Variants in CAMK2G observed in about 807,000 individuals in gnomAD.
The protein encoded by CAMK2G is calcium/calmodulin-dependent protein kinase type II subunit gamma.
CAMK2G carries 23 observed loss-of-function variants against 88.7 expected under a neutral mutation model. That is an observed-to-expected ratio of 0.26 (90% CI 0.19 to 0.37). The LOEUF is 0.37. CAMK2G is among the 10% of genes least tolerant of loss of function. The probability of loss-of-function intolerance (pLI) is 1.00; values close to 1 mark genes in which losing one functional copy is unlikely to be tolerated. For synonymous variants in CAMK2G, 263 were observed against 294.8 expected (o/e 0.89, Z 1.11); for missense variants, 476 against 780.8 (o/e 0.61, Z 4.65).
chr10:73,829,721 G>T lies in CAMK2G; in HGVS notation c.1054-1600C>A, dbSNP rs571245810. Among the ~76,000 whole-genome samples, 50 of 151,698 alleles carry T rather than the reference G, an allele frequency of 3.3e-4. No homozygotes were observed. The South Asian group carries it at 0.01, about 31-fold the overall frequency. On this transcript the variant is annotated intron_variant, in intron 14 of 22. Coordinates refer to ENST00000423381, the MANE Select transcript of CAMK2G (RefSeq NM_001367534.1). The stretch of plus-strand genomic sequence containing the variant: ...GTGGGGTGTGTGTGTGTGTGTGTGT[G>T]TGTGTGTGTGTGTATATCTCCTTAT...
At chr10:73,873,391 T>C (rs2095912584) in intron 1 of CAMK2G, 2 of 1,252,452 alleles carry the variant, frequency 1.6e-6, no homozygotes, top group South Asian at 3.7e-5. Context: ...AACACACACC[T>C]GCTGCATCTC....
intron 1 of CAMK2G, among the ~76,000 whole-genome samples, chr10:73,873,802 G>C (rs1478442315): frequency 7.7e-6 from 1 of 130,058 alleles, no homozygotes; most frequent in Non-Finnish European, 1.7e-5. Context: ...GGCTGCTGCA[G>C]CGGCCAGCTC....
chr10:73,839,583 G>C lies in CAMK2G; in HGVS notation c.965C>G (p.Ala322Gly). Residue 322 changes from alanine to glycine, a missense_variant, in exon 13 of 23, where the codon GCC becomes GGC. By Grantham distance (60) the Ala-to-Gly change is moderately conservative. This residue lies in a region of CAMK2G where 278 missense variants were observed against 366.5 expected (regional missense o/e 0.76). Transcript: ENST00000423381. The surrounding 1 kb of genome is among the most constrained non-coding windows in gnomAD (Gnocchi z 4.2). ...RNFSVGRQSS[A>G]PASPAASAAG... ...GGCGCTCGCGGCAGGCGAGGCGGGG[G>C]CGGAGCTCTGCCTGCCAACTGAGGG... 2 of 1,233,760 alleles carry C rather than the reference G, an allele frequency of 1.6e-6. No homozygotes were observed. Among genetic ancestry groups the C allele is most frequent in the Admixed American group, 8.4e-5 (2 of 23,708 alleles). 76.4% of individuals were successfully genotyped at this position (1,233,760 alleles called of 1,614,324 possible).
intron 2 of CAMK2G, among the ~76,000 whole-genome samples, chr10:73,865,884 C>T (rs573234868): frequency 3.3e-5 from 5 of 152,048 alleles, no homozygotes; most frequent in Non-Finnish European, 2.9e-5. Flanking sequence ...CCAGCCCCCC[C>T]CTTCCTGTTT....
chr10:73,871,867 C>A (rs758622385), intron 2 of CAMK2G, among the ~76,000 whole-genome samples: 21 of 152,168 alleles, frequency 1.4e-4, no homozygotes, highest in African/African-American at 2.2e-4. Context: ...ACTGCCAACA[C>A]GACAGAAGCC....
chr10:73,874,367 AGGCAGGGGACCGCGGCGGGCG>A lies in CAMK2G; in HGVS notation c.65+9_65+29del. ...CCGCATAGCTCCCGGGCGGCAGGGC[AGGCAGGGGACCGCGGCGGGCG>A]GGCCGTACTTGCCAAGCTCCTCGAA... is the stretch of plus-strand genomic sequence containing the variant. On this transcript the variant is annotated intron_variant, in intron 1 of 22. Coordinates refer to ENST00000423381, the MANE Select transcript of CAMK2G (RefSeq NM_001367534.1). 1 of 1,440,562 alleles carries A rather than the reference AGGCAGGGGACCGCGGCGGGCG, an allele frequency of 6.9e-7. No homozygotes were observed. The highest frequency in any genetic ancestry group is 9.3e-7 in the Non-Finnish European group (1 of 1,077,562). 89.2% of individuals were successfully genotyped at this position (1,440,562 alleles called of 1,614,324 possible). A position where few individuals can be genotyped will look rare whatever the true frequency, so the allele number is the denominator to read the frequency against.
At chr10:73,831,534 TAAAAAAAAA>T (rs985986206) in intron 14 of CAMK2G, among the ~76,000 whole-genome samples, 1 of 54,614 alleles carries the variant, frequency 1.8e-5, no homozygotes, top group Non-Finnish European at 3.5e-5. Flanking sequence ...AGACTCCGTC[TAAAAAAAAA>T]AAAAAAAAAA....
chr10:73,866,398 G>C (rs970467924), intron 2 of CAMK2G, among the ~76,000 whole-genome samples: 1 of 152,106 alleles, frequency 6.6e-6, no homozygotes, highest in East Asian at 1.9e-4. Flanking sequence ...GGGGGCCAGG[G>C]AGGGCTGGCC....
chr10:73,852,244 C>T lies in CAMK2G; in HGVS notation c.341+10G>A, dbSNP rs1349200556. 1 of 1,611,490 alleles carries T rather than the reference C, an allele frequency of 6.2e-7. No individual in the cohort carries two copies. Among genetic ancestry groups the T allele is most frequent in the East Asian group, 2.2e-5 (1 of 44,882 alleles). ...AGAGCTACATTTGAACTCTCGGGCC[C>T]TCATCCTACCTGGCATCTGCTTCAC... On this transcript the variant is annotated intron_variant, in intron 5 of 22. Transcript: ENST00000423381.
At chr10:73,815,536 T>C (rs1470584282) in intron 21 of CAMK2G, among the ~76,000 whole-genome samples, 1 of 152,196 alleles carries the variant, frequency 6.6e-6, no homozygotes, top group Non-Finnish European at 1.5e-5. Flanking sequence ...CTGTATTTCT[T>C]GGTGGATAAT....
intron 2 of CAMK2G, among the ~76,000 whole-genome samples, chr10:73,871,389 T>A (rs2095824412): frequency 6.6e-6 from 1 of 151,948 alleles, no homozygotes; most frequent in African/African-American, 2.4e-5. Context: ...ATCCCAGAAT[T>A]CGGCTCCCAG....
intron 14 of CAMK2G, among the ~76,000 whole-genome samples, chr10:73,833,964 G>A (rs1017195388): frequency 7.9e-6 from 1 of 126,818 alleles, no homozygotes; most frequent in Non-Finnish European, 1.6e-5. Context: ...TGTCACCCAG[G>A]ATGGAGTGCA....
chr10:73,820,321 T>C (rs2087491736), intron 18 of CAMK2G, among the ~76,000 whole-genome samples: 1 of 151,722 alleles, frequency 6.6e-6, no homozygotes, highest in South Asian at 2.1e-4. Context: ...CTTAGGCTAG[T>C]GGTCCTTACG....
At chr10:73,872,951 G>A in intron 2 of CAMK2G, 38 bp downstream of exon 2, 1 of 1,330,682 alleles carries the variant, frequency 7.5e-7, no homozygotes, top group Non-Finnish European at 1.1e-6. Context: ...GGCCCCTGGA[G>A]GCACCCTCAG....
At chr10:73,819,025 C>G (rs898475215) in intron 19 of CAMK2G, 1 of 357,058 alleles carries the variant, frequency 2.8e-6, no homozygotes. Context: ...GATAAGGAAC[C>G]TGCAGCTCTG....
intron 15 of CAMK2G, among the ~76,000 whole-genome samples, chr10:73,826,750 G>A (rs1440986337): frequency 6.6e-6 from 1 of 152,156 alleles, no homozygotes; most frequent in African/African-American, 2.4e-5. Context: ...TCTCTCCTAG[G>A]ACATACACAG....
At chr10:73,831,844 A>T (rs1031777811) in intron 14 of CAMK2G, among the ~76,000 whole-genome samples, 1 of 152,142 alleles carries the variant, frequency 6.6e-6, no homozygotes, top group Admixed American at 6.5e-5. Flanking sequence ...AGGGGGACAG[A>T]GTGAGACCCT....
chr10:73,838,100 G>A (rs536553150), intron 13 of CAMK2G, among the ~76,000 whole-genome samples: 4 of 152,278 alleles, frequency 2.6e-5, no homozygotes, highest in East Asian at 3.9e-4. Flanking sequence ...CCTTTCCCCA[G>A]TGTCCACTCT....
intron 13 of CAMK2G, among the ~76,000 whole-genome samples, chr10:73,838,420 C>T (rs1015618113): frequency 1.3e-5 from 2 of 152,190 alleles, no homozygotes; most frequent in African/African-American, 2.4e-5. Context: ...ATTTCTTTAT[C>T]TATAAAATGG....
Sources: allele counts gnomAD v4.1 joint callset (sites outside exome capture counted in the v4.1 genomes callset), GRCh38; gene constraint gnomAD v4.1.1; regional missense constraint gnomAD v4.1.1; non-coding constraint Gnocchi (gnomAD v3.1); transcripts MANE v1.5; gene names NCBI Gene and HGNC (gene_info 2026-07-23, HGNC 2026-07-21).